Variants in COA1 observed in about 807,000 individuals in gnomAD.
The protein encoded by COA1 is cytochrome c oxidase assembly factor 1, also known as cytochrome c oxidase assembly factor 1 homolog.
A neutral mutation model predicts 16.0 loss-of-function variants in COA1; 13 were observed. The ratio of observed to expected loss-of-function variants is 0.81; its 90% CI spans 0.53 to 1.29. COA1 has a LOEUF of 1.29. Ranked by LOEUF, COA1 falls within the 50% of genes most tolerant of loss-of-function variation. The pLI is 0.00. For synonymous variants in COA1, 65 were observed against 65.7 expected (o/e 0.99, Z 0.05); for missense variants, 179 against 177.0 (o/e 1.01, Z -0.06).
intron 6 of COA1, among the ~76,000 whole-genome samples, chr7:43,627,563 T>C (rs140855103): frequency 5.5e-4 from 84 of 152,332 alleles, no homozygotes; most frequent in African/African-American, 1.6e-3. Flanking sequence ...CCTAAATACA[T>C]TTTAAACTCA....
chr7:43,709,046 C>G (rs1452206826), intron 1 of COA1, among the ~76,000 whole-genome samples: 8 of 145,734 alleles, frequency 5.5e-5, no homozygotes, highest in South Asian at 2.1e-4. Context: ...TTTTTTGAGA[C>G]AGAGTCTCAT....
rs138345727 is a variant in COA1, at chr7:43,693,359, T to C, written c.-39+36070A>G. Among the ~76,000 whole-genome samples, 11 of 152,266 alleles carry C rather than the reference T, an allele frequency of 7.2e-5. No individual in the cohort carries two copies. In the East Asian group the frequency reaches 1.4e-3, roughly 19 times the overall value. ...CCTGGCTATGACACTCTCTCCAACA[T>C]TGTTCTTGTCAAATGCATACTGATT... On this transcript the variant is annotated intron_variant, in intron 1 of 5. Coordinates refer to ENST00000223336, the MANE Select transcript of COA1 (RefSeq NM_018224.4).
At chr7:43,721,648 A>T (rs1225516886) in intron 1 of COA1, among the ~76,000 whole-genome samples, 1 of 152,172 alleles carries the variant, frequency 6.6e-6, no homozygotes, top group Non-Finnish European at 1.5e-5. Flanking sequence ...GGAAGATTTA[A>T]CCATGAAGAG....
At chr7:43,608,994 A>C (rs1488753986) in exon 7 of COA1, 1 of 152,368 alleles carries the variant, frequency 6.6e-6, no homozygotes, top group Non-Finnish European at 1.5e-5. Flanking sequence ...GAAGGAAAGA[A>C]AAACAAAGGA....
chr7:43,694,221 A>G (rs1283441125), intron 1 of COA1, among the ~76,000 whole-genome samples: 2 of 149,160 alleles, frequency 1.3e-5, no homozygotes, highest in Non-Finnish European at 3.0e-5. Context: ...TATATTAGTC[A>G]CATCAGCATC....
At chr7:43,692,930 T>C (rs138727466) in intron 1 of COA1, among the ~76,000 whole-genome samples, 32 of 152,254 alleles carry the variant, frequency 2.1e-4, no homozygotes, top group African/African-American at 7.5e-4. Flanking sequence ...TGTAATGGCA[T>C]ATTATAATCA....
intron 1 of COA1, among the ~76,000 whole-genome samples, chr7:43,671,457 G>A (rs1290707065): frequency 6.6e-6 from 1 of 151,424 alleles, no homozygotes; most frequent in Admixed American, 6.6e-5. Context: ...AATGAACAAA[G>A]AATCCCATTT....
chr7:43,707,345 G>T (rs999848059), intron 1 of COA1, among the ~76,000 whole-genome samples: 2 of 152,256 alleles, frequency 1.3e-5, no homozygotes, highest in African/African-American at 4.8e-5. Flanking sequence ...TATTTACTGG[G>T]TATTAAAAAC....
intron 1 of COA1, among the ~76,000 whole-genome samples, chr7:43,686,103 T>A (rs913777963): frequency 6.6e-6 from 1 of 152,196 alleles, no homozygotes; most frequent in African/African-American, 2.4e-5. Flanking sequence ...AGTAATAATT[T>A]TAAAAAACAA....
chr7:43,659,459 G>T (rs1462824850), intron 1 of COA1, among the ~76,000 whole-genome samples: 1 of 152,086 alleles, frequency 6.6e-6, no homozygotes. Flanking sequence ...TTAAACCACA[G>T]CAAGAAGGTA....
At chr7:43,644,096 G>T (rs1250368207) in intron 4 of COA1, among the ~76,000 whole-genome samples, 1 of 152,016 alleles carries the variant, frequency 6.6e-6, no homozygotes, top group African/African-American at 2.4e-5. Flanking sequence ...ACTGACAGGC[G>T]ACACAGTGAT....
intron 6 of COA1, among the ~76,000 whole-genome samples, chr7:43,611,272 G>A (rs1278379323): frequency 1.3e-5 from 2 of 152,152 alleles, no homozygotes; most frequent in Non-Finnish European, 2.9e-5. Flanking sequence ...GAAAAATACA[G>A]GGAAAAGAAA....
At chr7:43,729,378 A>G (rs2095694702) in intron 1 of COA1, 51 bp downstream of exon 1, 1 of 152,324 alleles carries the variant, frequency 6.6e-6, no homozygotes, top group South Asian at 2.1e-4. Context: ...GCAGGAACAA[A>G]CGCTTCTTGC....
At chr7:43,728,636 T>C (rs2095670194) in intron 1 of COA1, among the ~76,000 whole-genome samples, 1 of 152,156 alleles carries the variant, frequency 6.6e-6, no homozygotes, top group South Asian at 2.1e-4. Flanking sequence ...ATGTGTATTA[T>C]CCTGAAAGCA....
At chr7:43,647,767 G>T in intron 2 of COA1, 133 bp from the exon 3 acceptor site, 1 of 669,398 alleles carries the variant, frequency 1.5e-6, no homozygotes, top group Non-Finnish European at 2.6e-6. Flanking sequence ...TCCCTCATTT[G>T]CTTCCTTTCC....
At chr7:43,687,915 G>A (rs1374252794) in intron 1 of COA1, among the ~76,000 whole-genome samples, 1 of 152,286 alleles carries the variant, frequency 6.6e-6, no homozygotes, top group African/African-American at 2.4e-5. Flanking sequence ...ATGTGTTGTG[G>A]GAGGGACCCA....
intron 1 of COA1, among the ~76,000 whole-genome samples, chr7:43,670,402 G>A (rs1427650116): frequency 2.0e-5 from 3 of 151,952 alleles, no homozygotes; most frequent in Admixed American, 6.6e-5. Flanking sequence ...GCAGTGAGCC[G>A]AGACTGCACC....
At chr7:43,690,403 ATATG>A (rs1212303092) in intron 1 of COA1, among the ~76,000 whole-genome samples, 9 of 152,312 alleles carry the variant, frequency 5.9e-5, no homozygotes, top group African/African-American at 2.2e-4. Context: ...ATATACATAT[ATATG>A]TATGTACAGA....
intron 1 of COA1, among the ~76,000 whole-genome samples, chr7:43,684,868 C>G (rs1427776678): frequency 1.3e-5 from 2 of 152,172 alleles, no homozygotes; most frequent in Admixed American, 6.5e-5. Flanking sequence ...GAGAGACAGA[C>G]TGAGCTCTGA....
Sources: allele counts gnomAD v4.1 joint callset (sites outside exome capture counted in the v4.1 genomes callset), GRCh38; gene constraint gnomAD v4.1.1; transcripts MANE v1.5; gene names NCBI Gene and HGNC (gene_info 2026-07-23, HGNC 2026-07-21).